The following TBC1D14 variants were observed in gnomAD, a reference collection of about 807,000 sequenced individuals.
TBC1D14 encodes TBC1 domain family, member 14.
In TBC1D14, 26 loss-of-function variants were observed where a neutral mutation model predicts 79.0. The ratio of observed to expected loss-of-function variants is 0.33; its 90% CI spans 0.24 to 0.46. TBC1D14 has a LOEUF of 0.46. TBC1D14 is among the 20% of genes least tolerant of loss of function. The pLI, the probability that TBC1D14 is intolerant of heterozygous loss-of-function variation, is 1.00. For synonymous variants in TBC1D14, 394 were observed against 349.9 expected, an observed-to-expected ratio of 1.13 and a Z score of -1.40; for missense variants, 769 against 887.6, an observed-to-expected ratio of 0.87 and a Z score of 1.70.
chr4:7,024,599 G>GA (rs1410061705), intron 12 of TBC1D14, among the ~76,000 whole-genome samples: 1 of 152,192 alleles, frequency 6.6e-6, no homozygotes, highest in East Asian at 1.9e-4. Flanking sequence ...AGGGCGGGGG[G>GA]AACCTGTGCA....
rs141167484 is a variant in TBC1D14 at position 6,923,516 on chromosome 4, G to T, written c.127G>T (p.Ala43Ser). 1.9e-6 allele frequency: 3 copies of T among 1,614,032 alleles called. No individual in the cohort carries two copies. Among genetic ancestry groups the T allele is most frequent in the Non-Finnish European group, 8.5e-7 (1 of 1,180,042 alleles). ...VNLKAPRLLS[A>S]PEYGPKLKLR... ...TCTCAAGGCGCCCCGACTCCTCTCCGCGCCTGAGTACGGGCCCAAGCTGAA... is the reference window on the plus strand; with the variant it reads ...TCTCAAGGCGCCCCGACTCCTCTCCTCGCCTGAGTACGGGCCCAAGCTGAA... The change falls in exon 2 of 14, where the codon GCG becomes TCG. Residue 43 changes from alanine (A) to serine (S), a missense_variant. Physicochemically the swap from Ala to Ser is moderately conservative, Grantham distance 99. This residue lies in a region of TBC1D14 where 402 missense variants were observed against 393.2 expected (regional missense o/e 1.02). Coordinates refer to ENST00000409757, the MANE Select transcript of TBC1D14 (RefSeq NM_020773.3).
At chr4:6,925,545 A>G (rs1165106601) in intron 2 of TBC1D14, among the ~76,000 whole-genome samples, 2 of 152,290 alleles carry the variant, frequency 1.3e-5, no homozygotes, top group Middle Eastern at 3.4e-3. Flanking sequence ...ATCTCGGACC[A>G]GCCTAAGGCC....
chr4:7,004,981 T>C (rs1560337749), intron 8 of TBC1D14, 57 bp downstream of exon 8: 1 of 1,486,994 alleles, frequency 6.7e-7, no homozygotes, highest in Non-Finnish European at 9.4e-7. Context: ...TGTCATTCTT[T>C]ATTACATAGT....
intron 2 of TBC1D14, among the ~76,000 whole-genome samples, chr4:6,944,229 T>C (rs1713207243): frequency 6.6e-6 from 1 of 152,226 alleles, no homozygotes; most frequent in Non-Finnish European, 1.5e-5. Context: ...TGGATGCTGT[T>C]TCCATCGTTT....
intron 12 of TBC1D14, among the ~76,000 whole-genome samples, chr4:7,018,194 A>T (rs138608494): frequency 6.6e-6 from 1 of 152,144 alleles, no homozygotes; most frequent in African/African-American, 2.4e-5. Context: ...CTGCCTCCAC[A>T]TTATGGGTCT....
chr4:6,917,962 CT>C (rs1192914326), intron 1 of TBC1D14, among the ~76,000 whole-genome samples: 1 of 152,094 alleles, frequency 6.6e-6, no homozygotes, highest in East Asian at 1.9e-4. Flanking sequence ...GTACTTTTTC[CT>C]TTTTAGGTTT....
chr4:6,940,678 A>G (rs1712818994), intron 2 of TBC1D14, among the ~76,000 whole-genome samples: 1 of 152,164 alleles, frequency 6.6e-6, no homozygotes, highest in Non-Finnish European at 1.5e-5. Flanking sequence ...CCTTCCAGTG[A>G]GGGGACAAAG....
At chr4:6,966,712 T>C (rs954025884) in intron 2 of TBC1D14, among the ~76,000 whole-genome samples, 8 of 152,256 alleles carry the variant, frequency 5.3e-5, no homozygotes, top group African/African-American at 1.9e-4. Context: ...CAGTTTAGTC[T>C]GACTTCAAAG....
intron 2 of TBC1D14, among the ~76,000 whole-genome samples, chr4:6,931,910 G>A (rs1416828055): frequency 1.3e-5 from 2 of 152,060 alleles, no homozygotes; most frequent in Non-Finnish European, 2.9e-5. Flanking sequence ...GGTAAACACA[G>A]TGAGTAGATG....
intron 2 of TBC1D14, among the ~76,000 whole-genome samples, chr4:6,933,010 T>C (rs1446795161): frequency 1.3e-5 from 2 of 152,078 alleles, no homozygotes; most frequent in African/African-American, 2.4e-5. Context: ...GCAGAGCTCG[T>C]TGTGGCTATA....
intron 10 of TBC1D14, 68 bp downstream of exon 10, chr4:7,010,016 G>T (rs753258829): frequency 6.4e-7 from 1 of 1,558,192 alleles, no homozygotes; most frequent in Non-Finnish European, 8.8e-7. Flanking sequence ...TGTCCAGCAC[G>T]TGTTAGCTGC....
At chr4:7,026,722 C>A (rs1461846559) in intron 13 of TBC1D14, among the ~76,000 whole-genome samples, 1 of 152,084 alleles carries the variant, frequency 6.6e-6, no homozygotes, top group Non-Finnish European at 1.5e-5. Context: ...CATAGTGAGA[C>A]CCCGTCTCTA....
rs1164460969 is a variant in TBC1D14 at position 7,032,598 on chromosome 4, A to G, written c.*2206A>G. ...CTTGTATGACCTGTTCAGGGGTCAC[A>G]TGAGGTCTCGCCAGTTTCCTGGGTC... is the stretch of plus-strand genomic sequence containing the variant. On this transcript the variant is annotated 3_prime_UTR_variant, in exon 14 of 14. Coordinates refer to ENST00000409757, the MANE Select transcript of TBC1D14 (RefSeq NM_020773.3). 6.6e-6 allele frequency: 1 copy of G among 152,246 alleles called. No individual in the cohort carries two copies. The highest frequency in any genetic ancestry group is 1.5e-5 in the Non-Finnish European group (1 of 68,044). The allele number at this position is 152,246 out of a possible 1,614,324, so 9.4% of individuals were successfully genotyped here.
Position 6,920,054 on chromosome 4 carries a change from A to G in TBC1D14, c.-17-3319A>G, listed in dbSNP as rs1577457564. On this transcript the variant is annotated intron_variant, in intron 1 of 13. Transcript: ENST00000409757. Reference sequence around the variant, plus strand: ...CTCAGCCTTCTCAGTAGCCGGGACTACAGGTGTGCACTACCATGCCTGGCT... The same window carrying G: ...CTCAGCCTTCTCAGTAGCCGGGACTGCAGGTGTGCACTACCATGCCTGGCT... 2.6e-5 allele frequency among the ~76,000 whole-genome samples: 4 copies of G among 152,142 alleles called. 1 individual carries two copies. In the South Asian group the frequency reaches 8.3e-4, roughly 32 times the overall value.
chr4:6,986,199 G>A (rs1055009441), intron 3 of TBC1D14, among the ~76,000 whole-genome samples: 1 of 152,198 alleles, frequency 6.6e-6, no homozygotes, highest in South Asian at 2.1e-4. Flanking sequence ...GTTCATCCAT[G>A]TAGGCCCATG....
rs202139939 is a variant in TBC1D14 at position 7,030,421 on chromosome 4, C to T, written c.*29C>T. 6.2e-7 allele frequency: 1 copy of T among 1,611,284 alleles called. No individual in the cohort carries two copies. The highest frequency in any genetic ancestry group is 2.2e-5 in the East Asian group (1 of 44,814). ...TGCAGCGGGAATTCGCACTCGGCAC[C>T]AATCAGAGCCCCATGCCGCGGCCCC... On this transcript the variant is annotated 3_prime_UTR_variant, in exon 14 of 14. Transcript: ENST00000409757.
intron 12 of TBC1D14, among the ~76,000 whole-genome samples, chr4:7,021,258 T>G (rs908302981): frequency 1.3e-5 from 2 of 152,148 alleles, no homozygotes; most frequent in African/African-American, 4.8e-5. Flanking sequence ...TTGTCTGGGG[T>G]CTTTTCTAAG....
chr4:6,912,503 C>T (rs1219382445), intron 1 of TBC1D14, among the ~76,000 whole-genome samples: 1 of 152,152 alleles, frequency 6.6e-6, no homozygotes, highest in Admixed American at 6.5e-5. Context: ...TGGCTAGTCA[C>T]TTGGTTTTAT....
chr4:6,947,661 C>CAAAA (rs60601291), intron 2 of TBC1D14, among the ~76,000 whole-genome samples: 3 of 117,294 alleles, frequency 2.6e-5, no homozygotes, highest in Admixed American at 1.8e-4. Context: ...GATTCCGTCT[C>CAAAA]AAAAAAAAAA....
Sources: allele counts gnomAD v4.1 joint callset (sites outside exome capture counted in the v4.1 genomes callset), GRCh38; gene constraint gnomAD v4.1.1; regional missense constraint gnomAD v4.1.1; transcripts MANE v1.5; gene names NCBI Gene and HGNC (gene_info 2026-07-23, HGNC 2026-07-21).